The following GLRA3 variants were observed in gnomAD, a reference collection of about 807,000 sequenced individuals.
GLRA3 encodes the protein glycine receptor subunit alpha-3.
Under a neutral mutation model 60.4 loss-of-function variants are expected in GLRA3, and 44 were observed. The observed-to-expected ratio is 0.73, with a 90% CI of 0.57 to 0.94. GLRA3 has a LOEUF of 0.94. Ranked by LOEUF, GLRA3 falls within the 40% of genes least tolerant of loss-of-function variation. GLRA3 has a pLI of 0.00. For missense variants in GLRA3, 508 were observed against 564.6 expected, an observed-to-expected ratio of 0.90 and a Z score of 1.02; for synonymous variants, 223 against 192.9, an observed-to-expected ratio of 1.16 and a Z score of -1.29.
intron 3 of GLRA3, among the ~76,000 whole-genome samples, chr4:174,762,504 T>C (rs1239409376): frequency 6.6e-6 from 1 of 152,182 alleles, no homozygotes; most frequent in Non-Finnish European, 1.5e-5. Context: ...TAACTAGGTA[T>C]TTTAAGTACT....
chr4:174,756,363 G>A (rs1467474448), intron 3 of GLRA3, among the ~76,000 whole-genome samples: 1 of 152,036 alleles, frequency 6.6e-6, no homozygotes. Flanking sequence ...CCAAATATTA[G>A]AAATTTAAAT....
rs773489264 is a variant in GLRA3, at chr4:174,643,838, C to A, written c.1343G>T (p.Trp448Leu). 6.2e-7 allele frequency: 1 copy of A among 1,613,680 alleles called. No homozygotes were observed. Among genetic ancestry groups the A allele is most frequent in the Non-Finnish European group, 8.5e-7 (1 of 1,179,666 alleles). Residue 448 changes from tryptophan to leucine, a missense_variant, in exon 10 of 10, where the codon TGG becomes TTG. Around this residue, in one of 3 missense-constraint regions of GLRA3, gnomAD observed 176 missense variants for 197.9 expected, o/e 0.89. Transcript: ENST00000274093. Reference sequence around the variant, plus strand: ...ATGCCTAAGAATTTTATAGATAACCCAGTAGAAAATATTAAAAATCAAAAA... The same window carrying A: ...ATGCCTAAGAATTTTATAGATAACCAAGTAGAAAATATTAAAAATCAAAAA... ...LAFLIFNIFY[W>L]VIYKILRHED... is the part of the protein sequence containing the mutation.
At chr4:174,697,396 C>A (rs1431386501) in intron 5 of GLRA3, among the ~76,000 whole-genome samples, 9 of 152,194 alleles carry the variant, frequency 5.9e-5, no homozygotes, top group Admixed American at 5.9e-4. Context: ...ACTCTTGGCA[C>A]ATGCTGACTA....
At chr4:174,753,681 T>C (rs924072668) in intron 3 of GLRA3, among the ~76,000 whole-genome samples, 2 of 152,178 alleles carry the variant, frequency 1.3e-5, no homozygotes, top group South Asian at 4.1e-4. Context: ...AATTGATCTC[T>C]ACGATACCTT....
chr4:174,651,530 A>G (rs1045470578), intron 9 of GLRA3, among the ~76,000 whole-genome samples: 1 of 152,142 alleles, frequency 6.6e-6, no homozygotes, highest in East Asian at 1.9e-4. Context: ...AGGAAAGAAT[A>G]CAAATAACAA....
At chr4:174,815,343 G>A (rs968183236) in intron 1 of GLRA3, among the ~76,000 whole-genome samples, 11 of 152,184 alleles carry the variant, frequency 7.2e-5, no homozygotes, top group Admixed American at 3.3e-4. Flanking sequence ...GGTGCTCAGA[G>A]CAAGCTGTCA....
intron 1 of GLRA3, among the ~76,000 whole-genome samples, chr4:174,790,591 A>G (rs755292779): frequency 1.3e-5 from 2 of 151,752 alleles, no homozygotes; most frequent in Non-Finnish European, 2.9e-5. Context: ...TCTCCTTTCA[A>G]TTATCAGAAA....
intron 5 of GLRA3, among the ~76,000 whole-genome samples, chr4:174,709,539 C>A (rs73867685): frequency 6.6e-6 from 1 of 151,900 alleles, no homozygotes; most frequent in African/African-American, 2.4e-5. Context: ...GAAAGCAACA[C>A]GTTTTCTTCA....
At chr4:174,814,445 G>C (rs1216078997) in intron 1 of GLRA3, among the ~76,000 whole-genome samples, 2 of 152,158 alleles carry the variant, frequency 1.3e-5, no homozygotes, top group African/African-American at 2.4e-5. Flanking sequence ...ATGTCCAGCT[G>C]CTTCTTCTCC....
At position 174,719,707 on chromosome 4, in the gene GLRA3, T is replaced by TA. The variant is rs142380895; in HGVS notation, c.492-4138dup. Among the ~76,000 whole-genome samples the TA allele has an allele frequency of 0.016, 2,508 of 152,270 alleles. 124 individuals are homozygous for TA. In the East Asian group the frequency reaches 0.17, roughly 11 times the overall value. The stretch of plus-strand genomic sequence containing the variant: ...CTGGAGCTTAATTGTCATCTGATCA[T>TA]AGAGACAATCATTAACTCAGCAACC... On this transcript the variant is annotated intron_variant, in intron 4 of 9. Transcript: ENST00000274093.
intron 5 of GLRA3, among the ~76,000 whole-genome samples, chr4:174,688,052 T>C (rs1461833327): frequency 3.3e-5 from 5 of 151,812 alleles, no homozygotes; most frequent in African/African-American, 1.2e-4. Context: ...CCACAAGGAT[T>C]ATAAGTCAGA....
At chr4:174,787,342 C>T (rs1272035558) in intron 2 of GLRA3, among the ~76,000 whole-genome samples, 2 of 151,986 alleles carry the variant, frequency 1.3e-5, no homozygotes, top group East Asian at 1.9e-4. Context: ...TGCTAATTCC[C>T]GATTATGTGT....
chr4:174,809,668 G>A (rs1740185954), intron 1 of GLRA3, among the ~76,000 whole-genome samples: 1 of 152,130 alleles, frequency 6.6e-6, no homozygotes, highest in East Asian at 1.9e-4. Context: ...AGGAGGCAGA[G>A]GTTGCAATGA....
At chr4:174,708,526 G>T (rs1735594305) in intron 5 of GLRA3, among the ~76,000 whole-genome samples, 1 of 148,786 alleles carries the variant, frequency 6.7e-6, no homozygotes, top group African/African-American at 2.5e-5. Flanking sequence ...TGTTCTTTTT[G>T]GCAGACAATA....
At chr4:174,665,559 G>A (rs1024728584) in intron 7 of GLRA3, among the ~76,000 whole-genome samples, 2 of 152,094 alleles carry the variant, frequency 1.3e-5, no homozygotes, top group Non-Finnish European at 2.9e-5. Context: ...TTGATTAGAA[G>A]GATGCAAAAA....
At chr4:174,801,072 G>A (rs1244993858) in intron 1 of GLRA3, among the ~76,000 whole-genome samples, 1 of 152,026 alleles carries the variant, frequency 6.6e-6, no homozygotes, top group South Asian at 2.1e-4. Flanking sequence ...ATGATGTGCA[G>A]TAGCTTAGGT....
chr4:174,763,754 G>A (rs1738028392), intron 3 of GLRA3, among the ~76,000 whole-genome samples: 1 of 152,106 alleles, frequency 6.6e-6, no homozygotes, highest in South Asian at 2.1e-4. Context: ...CAGGACAGAT[G>A]TGCCTCTCTC....
intron 1 of GLRA3, among the ~76,000 whole-genome samples, chr4:174,794,441 C>A (rs576427800): frequency 6.6e-6 from 1 of 151,850 alleles, no homozygotes; most frequent in Non-Finnish European, 1.5e-5. Flanking sequence ...AAGGCAACAG[C>A]GTTAAACAAT....
intron 2 of GLRA3, among the ~76,000 whole-genome samples, chr4:174,779,792 T>C (rs1279335914): frequency 6.6e-6 from 1 of 151,122 alleles, no homozygotes; most frequent in Non-Finnish European, 1.5e-5. Context: ...GAGCAAAGCC[T>C]CCAAGAAATA....
Sources: allele counts gnomAD v4.1 joint callset (sites outside exome capture counted in the v4.1 genomes callset), GRCh38; gene constraint gnomAD v4.1.1; regional missense constraint gnomAD v4.1.1; transcripts MANE v1.5; gene names NCBI Gene and HGNC (gene_info 2026-07-23, HGNC 2026-07-21).